Variants in ARAP1 observed in about 807,000 individuals in gnomAD.
ARAP1 encodes the protein ArfGAP with RhoGAP domain, ankyrin repeat and PH domain 1.
In ARAP1, 76 loss-of-function variants were observed where a neutral mutation model predicts 172.2. That is an observed-to-expected ratio of 0.44 (90% CI 0.37 to 0.53). The LOEUF is 0.53. Among genes scored for constraint, ARAP1 ranks in the 20% least tolerant of loss-of-function variants. The probability of loss-of-function intolerance (pLI) is 0.00; values close to 1 mark genes in which losing one functional copy is unlikely to be tolerated. For synonymous variants in ARAP1, 804 were observed against 803.3 expected (o/e 1.00, Z -0.01); for missense variants, 1,686 against 1,977.5 (o/e 0.85, Z 2.80).
In ARAP1 at chr11:72,705,820, T is replaced by C; in HGVS notation, c.1794A>G (p.Thr598=). The stretch of plus-strand genomic sequence containing the variant: ...GCATCCCCACCTCGATAAGTGTTTC[T>C]GTCCACACCTTCCTGTCCATCTTCA... The part of the protein sequence containing the change: ...RSLKMDRKVW[T]ETLIELFLQL... The change falls in exon 13 of 35, where the codon ACA becomes ACG. Residue 598 remains threonine, a synonymous_variant. Transcript: ENST00000393609. 1.9e-6 allele frequency: 3 copies of C among 1,614,104 alleles called. No individual in the cohort carries two copies. The highest frequency in any genetic ancestry group is 2.5e-6 in the Non-Finnish European group (3 of 1,179,976).
chr11:72,704,826 G>A (rs763716563), intron 13 of ARAP1: 13 of 159,748 alleles, frequency 8.1e-5, no homozygotes, highest in Non-Finnish European at 1.4e-4. Flanking sequence ...TCCTTCATTC[G>A]GCTCCTCATT....
In ARAP1 at chr11:72,695,664, C is replaced by G. The variant is rs760533059; in HGVS notation, c.3421-36G>C. 10 of 1,613,876 alleles carry G rather than the reference C, an allele frequency of 6.2e-6. No individual in the cohort carries two copies. The highest frequency in any genetic ancestry group is 7.6e-6 in the Non-Finnish European group (9 of 1,179,966). ...GCGAGAGGCAGGGACAGGTGGTCAC[C>G]GTCATCTGCAAGGATCACCCCTGCC... On this transcript the variant is annotated intron_variant, in intron 24 of 34. Coordinates refer to ENST00000393609, the MANE Select transcript of ARAP1 (RefSeq NM_001040118.3). This position sits in a 1 kb window ranked among gnomAD's most constrained non-coding sequence, Gnocchi z 4.4.
chr11:72,731,735 G>A (rs1675854381), intron 2 of ARAP1, among the ~76,000 whole-genome samples: 1 of 152,134 alleles, frequency 6.6e-6, no homozygotes, highest in Non-Finnish European at 1.5e-5. Flanking sequence ...ATCCTGGAAG[G>A]AGCCCTGCAC....
intron 1 of ARAP1, among the ~76,000 whole-genome samples, chr11:72,745,182 CTTTT>C (rs902550014): frequency 1.1e-4 from 10 of 88,310 alleles, no homozygotes; most frequent in Admixed American, 7.9e-4. Context: ...AAGTTTCTTT[CTTTT>C]TTTTTTTTTT....
intron 2 of ARAP1, among the ~76,000 whole-genome samples, 176 bp from the exon 3 acceptor site, chr11:72,727,348 T>C (rs1373346102): frequency 6.6e-6 from 1 of 152,116 alleles, no homozygotes; most frequent in Non-Finnish European, 1.5e-5. Flanking sequence ...ACACACAGGC[T>C]CTTCTCTCCG....
At position 72,697,923 on chromosome 11, in the gene ARAP1, G is replaced by T. The variant is rs771367434; in HGVS notation, c.2725C>A (p.Leu909Met). 2 of 1,603,706 alleles carry T rather than the reference G, an allele frequency of 1.2e-6. No homozygotes were observed. Among genetic ancestry groups the T allele is most frequent in the South Asian group, 2.2e-5 (2 of 90,162 alleles). The change falls in exon 19 of 35, where the codon CTG becomes ATG. Residue 909 changes from leucine (L) to methionine (M), a missense_variant. Around this residue, in one of 5 missense-constraint regions of ARAP1, gnomAD observed 274 missense variants for 262.7 expected, o/e 1.04. Transcript: ENST00000393609. ...CTGGTCCACGCACAAAGCTCCTGCA[G>T]TTTCCGTAGTTGCAGCGGCTCTTCG... ...PCEEPLQLRK[L>M]QELSIQGDSE... is the part of the protein sequence containing the mutation.
At position 72,707,228 on chromosome 11, in the gene ARAP1, T is replaced by C; in HGVS notation, c.1670A>G (p.Gln557Arg). ...NRFCADCGAP[Q>R]PDWASINLCV... ...GAGGTTGATGGAGGCCCAGTCAGGC[T>C]GAGGAGCCCCGCAGTCAGCACAGAA... The change falls in exon 12 of 35, where the codon CAG (glutamine) becomes CGG (arginine). Residue 557 changes from glutamine to arginine, a missense_variant. Around this residue, in one of 5 missense-constraint regions of ARAP1, gnomAD observed 688 missense variants for 856.9 expected, o/e 0.80. Transcript: ENST00000393609. 6.2e-7 allele frequency: 1 copy of C among 1,607,564 alleles called. No individual in the cohort carries two copies. The highest frequency in any genetic ancestry group is 8.5e-7 in the Non-Finnish European group (1 of 1,176,940).
rs550234453 is a variant in ARAP1 at position 72,699,543 on chromosome 11, C to T, written c.2312G>A (p.Arg771Gln). 2.8e-5 allele frequency: 45 copies of T among 1,612,442 alleles called. No individual in the cohort carries two copies. In the South Asian group the frequency reaches 4.0e-4, roughly 14 times the overall value. ...CCCGTCACCAAGGACACACCAGCGC[C>T]GGCTGAACTCTGGGGAGAATTTGGG... is the stretch of plus-strand genomic sequence containing the variant. ...QDRRAREEFSRRWCVLGDGVL... is the reference protein window; with the variant it reads ...QDRRAREEFSQRWCVLGDGVL... The change falls in exon 17 of 35, where the codon CGG becomes CAG. Residue 771 changes from arginine to glutamine, a missense_variant. Coordinates refer to ENST00000393609, the MANE Select transcript of ARAP1 (RefSeq NM_001040118.3). The surrounding 1 kb of genome is among the most constrained non-coding windows in gnomAD (Gnocchi z 4.2).
intron 7 of ARAP1, 32 bp downstream of exon 7, chr11:72,712,164 G>A: frequency 6.5e-7 from 1 of 1,549,166 alleles, no homozygotes; most frequent in East Asian, 2.3e-5. Flanking sequence ...CCCCCATGCA[G>A]AGCACAGCAG....
chr11:72,696,322 C>T (rs1412450036), intron 23 of ARAP1, among the ~76,000 whole-genome samples: 1 of 152,238 alleles, frequency 6.6e-6, no homozygotes, highest in Non-Finnish European at 1.5e-5. Flanking sequence ...ACCCACCACT[C>T]ACCTCCTGCT....
chr11:72,701,587 C>A (rs1591187518), intron 16 of ARAP1, 62 bp downstream of exon 16: 6 of 1,565,142 alleles, frequency 3.8e-6, no homozygotes, highest in Non-Finnish European at 5.2e-6. Flanking sequence ...GCCCTGGCTT[C>A]CCTAGCCCTG....
At chr11:72,691,717 T>C (rs1855940027) in intron 30 of ARAP1, among the ~76,000 whole-genome samples, 1 of 152,048 alleles carries the variant, frequency 6.6e-6, no homozygotes, top group Non-Finnish European at 1.5e-5. Flanking sequence ...GATGGGGTGG[T>C]GGGTAGCTGT....
chr11:72,705,902 G>A lies in ARAP1; in HGVS notation c.1724-12C>T. Reference sequence around the variant, plus strand: ...GCCACGGTGCTCCCCTGTAGACACAGGGCCAGACCCAGAATCACCTGGGCC... The same window carrying A: ...GCCACGGTGCTCCCCTGTAGACACAAGGCCAGACCCAGAATCACCTGGGCC... On this transcript the variant is annotated splice_polypyrimidine_tract_variant and intron_variant, in intron 12 of 34. Coordinates refer to ENST00000393609, the MANE Select transcript of ARAP1 (RefSeq NM_001040118.3). The A allele has an allele frequency of 6.2e-7, 1 of 1,613,582 alleles. No homozygotes were observed.
chr11:72,698,114 A>C lies in ARAP1; in HGVS notation c.2542-8T>G. ...TAGGGGAGGCACGAATGCCTGGCAG[A>C]GAGGCGCCGGGGGAGACAGCATCAG... is the stretch of plus-strand genomic sequence containing the variant. On this transcript the variant is annotated splice_region_variant and splice_polypyrimidine_tract_variant and intron_variant, in intron 18 of 34. Coordinates refer to ENST00000393609, the MANE Select transcript of ARAP1 (RefSeq NM_001040118.3). 1 of 1,582,648 alleles carries C rather than the reference A, an allele frequency of 6.3e-7. No individual in the cohort carries two copies. The highest frequency in any genetic ancestry group is 8.6e-7 in the Non-Finnish European group (1 of 1,164,796).
intron 29 of ARAP1, 198 bp from the exon 30 acceptor site, chr11:72,692,983 A>G: frequency 4.3e-6 from 3 of 694,438 alleles, no homozygotes; most frequent in South Asian, 1.8e-5. Context: ...GGCATATGAC[A>G]TACGATATGA....
At chr11:72,743,329 G>A (rs1313433251) in intron 1 of ARAP1, among the ~76,000 whole-genome samples, 1 of 152,254 alleles carries the variant, frequency 6.6e-6, no homozygotes, top group Non-Finnish European at 1.5e-5. Context: ...ACCTTCCAGT[G>A]TTTTCAGCCT....
At chr11:72,718,796 C>A (rs1423217045) in intron 3 of ARAP1, among the ~76,000 whole-genome samples, 1 of 152,132 alleles carries the variant, frequency 6.6e-6, no homozygotes, top group Non-Finnish European at 1.5e-5. Flanking sequence ...GGTGGGTAGG[C>A]AAAATGCAGA....
At chr11:72,702,826 CGGCCTGAGAGCAGCA>C in intron 15 of ARAP1, 64 bp downstream of exon 15, 1 of 1,497,992 alleles carries the variant, frequency 6.7e-7, no homozygotes, top group East Asian at 2.5e-5. Flanking sequence ...GCTGCGATCA[CGGCCTGAGAGCAGCA>C]GGTAAATCAA....
intron 3 of ARAP1, chr11:72,721,843 C>T (rs752106940): frequency 4.1e-5 from 40 of 985,590 alleles, no homozygotes; most frequent in Non-Finnish European, 4.7e-5. Context: ...GGCGGCACCT[C>T]GCTTACCCTC....
Sources: allele counts gnomAD v4.1 joint callset (sites outside exome capture counted in the v4.1 genomes callset), GRCh38; gene constraint gnomAD v4.1.1; regional missense constraint gnomAD v4.1.1; non-coding constraint Gnocchi (gnomAD v3.1); transcripts MANE v1.5; gene names NCBI Gene and HGNC (gene_info 2026-07-23, HGNC 2026-07-21).